The following SCHIP1 variants were observed in gnomAD, a reference collection of about 807,000 sequenced individuals.
The protein encoded by SCHIP1 is schwannomin interacting protein 1, also known as schwannomin-interacting protein 1.
SCHIP1 carries 8 observed loss-of-function variants against 29.7 expected under a neutral mutation model. The ratio of observed to expected loss-of-function variants is 0.27; its 90% confidence interval spans 0.16 to 0.49. The LOEUF is 0.49. SCHIP1 is among the 20% of genes least tolerant of loss of function. The pLI, the probability that SCHIP1 is intolerant of heterozygous loss-of-function variation, is 0.99. For synonymous variants in SCHIP1, 76 were observed against 94.9 expected, an observed-to-expected ratio of 0.80 and a Z score of 1.16; for missense variants, 193 against 294.6, an observed-to-expected ratio of 0.66 and a Z score of 2.52.
the SCHIP1 span, among the ~76,000 whole-genome samples, chr3:159,816,279 T>A: frequency 2.9e-3 from 436 of 151,706 alleles, 1 homozygote; most frequent in South Asian, 9.4e-3. Flanking sequence ...TGTATTTTAT[T>A]TATCCATTTT....
the SCHIP1 span, among the ~76,000 whole-genome samples, chr3:159,339,631 T>C: frequency 1.3e-5 from 2 of 152,214 alleles, no homozygotes; most frequent in East Asian, 3.8e-4. Context: ...CCTTCATGCA[T>C]TGACTTATTT....
chr3:159,585,808 A>AT, the SCHIP1 span, among the ~76,000 whole-genome samples: 1 of 152,170 alleles, frequency 6.6e-6, no homozygotes, highest in African/African-American at 2.4e-5. Flanking sequence ...TTCAAAATTA[A>AT]TAAGTCTTAC....
chr3:159,750,184 T>C, the SCHIP1 span, among the ~76,000 whole-genome samples: 1 of 151,188 alleles, frequency 6.6e-6, no homozygotes, highest in East Asian at 2.0e-4. Context: ...AATAAAGTTA[T>C]AAGATTACTT....
chr3:159,421,899 T>TGCAC, the SCHIP1 span, among the ~76,000 whole-genome samples: 23 of 152,142 alleles, frequency 1.5e-4, no homozygotes, highest in Non-Finnish European at 3.1e-4. Context: ...CACAATTAAG[T>TGCAC]CATGTTGCAA....
the SCHIP1 span, among the ~76,000 whole-genome samples, chr3:159,585,004 T>A: frequency 0.021 from 3,219 of 152,134 alleles, 111 homozygotes; most frequent in African/African-American, 0.075. Flanking sequence ...CTTCTTTATA[T>A]CCTTGCTCAA....
chr3:159,343,282 T>C, the SCHIP1 span, among the ~76,000 whole-genome samples: 1 of 152,236 alleles, frequency 6.6e-6, no homozygotes, highest in East Asian at 1.9e-4. Flanking sequence ...GTAGTCACAT[T>C]CTAAGACACC....
the SCHIP1 span, among the ~76,000 whole-genome samples, chr3:159,510,175 T>C: frequency 6.6e-6 from 1 of 152,232 alleles, no homozygotes; most frequent in African/African-American, 2.4e-5. Flanking sequence ...TTCTTTTTAT[T>C]CTTTTTTCTC....
chr3:159,486,424 A>C, the SCHIP1 span, among the ~76,000 whole-genome samples: 55 of 152,140 alleles, frequency 3.6e-4, no homozygotes, highest in African/African-American at 1.2e-3. Flanking sequence ...TGGCTATTTC[A>C]CTTAGCCTCT....
chr3:159,292,417 G>A, the SCHIP1 span, among the ~76,000 whole-genome samples: 2,702 of 152,202 alleles, frequency 0.018, 78 homozygotes, highest in African/African-American at 0.063. Flanking sequence ...TGGCTAGTTA[G>A]GTGAGACAAA....
At chr3:159,423,927 G>T in the SCHIP1 span, among the ~76,000 whole-genome samples, 5 of 152,164 alleles carry the variant, frequency 3.3e-5, no homozygotes, top group African/African-American at 1.2e-4. Context: ...TGCAAACACC[G>T]CTGCTGATAC....
At chr3:159,350,151 ATAT>A in the SCHIP1 span, among the ~76,000 whole-genome samples, 1 of 152,154 alleles carries the variant, frequency 6.6e-6, no homozygotes, top group African/African-American at 2.4e-5. Context: ...TTTTTTACAC[ATAT>A]TATTGTATTT....
the SCHIP1 span, among the ~76,000 whole-genome samples, chr3:159,744,759 C>T: frequency 2.8e-4 from 42 of 152,030 alleles, no homozygotes; most frequent in African/African-American, 8.9e-4. Flanking sequence ...GGGTGGATCA[C>T]GAGGTCAGGA....
the SCHIP1 span, among the ~76,000 whole-genome samples, chr3:159,647,643 T>C: frequency 0.16 from 23,836 of 152,128 alleles, 5,159 homozygotes; most frequent in African/African-American, 0.49. Context: ...TACAAAGCCA[T>C]TATCGCTAAT....
the SCHIP1 span, among the ~76,000 whole-genome samples, chr3:159,411,944 C>A: frequency 1.3e-5 from 2 of 152,126 alleles, no homozygotes; most frequent in African/African-American, 4.8e-5. Flanking sequence ...AGAGCAAAAT[C>A]AGGCCATGAA....
At chr3:159,840,809 T>C (rs1744149288) in intron 1 of SCHIP1, among the ~76,000 whole-genome samples, 1 of 152,204 alleles carries the variant, frequency 6.6e-6, no homozygotes, top group African/African-American at 2.4e-5. Context: ...AAACTCCAAA[T>C]AGAAAAATCT....
At chr3:159,648,907 T>C in the SCHIP1 span, among the ~76,000 whole-genome samples, 1 of 152,110 alleles carries the variant, frequency 6.6e-6, no homozygotes, top group African/African-American at 2.4e-5. Flanking sequence ...GAGAATGTTC[T>C]ATCTTGTTTA....
the SCHIP1 span, among the ~76,000 whole-genome samples, chr3:159,559,379 C>A: frequency 6.6e-6 from 1 of 152,150 alleles, no homozygotes; most frequent in Non-Finnish European, 1.5e-5. Flanking sequence ...TTTAAACATA[C>A]AACATGTATC....
chr3:159,704,864 T>TTTTC, the SCHIP1 span, among the ~76,000 whole-genome samples: 89 of 133,324 alleles, frequency 6.7e-4, no homozygotes, highest in Middle Eastern at 3.6e-3. Context: ...TTCCTTCCTT[T>TTTTC]TTTCTTTCTT....
the SCHIP1 span, among the ~76,000 whole-genome samples, chr3:159,414,132 A>C: frequency 6.6e-6 from 1 of 152,346 alleles, no homozygotes; most frequent in South Asian, 2.1e-4. Flanking sequence ...CCTTCTTACT[A>C]TTCTTGCATC....
Sources: gnomAD v4.1 joint callset for allele counts (sites outside exome capture counted in the v4.1 genomes callset) on GRCh38, gnomAD v4.1.1 for gene constraint, MANE v1.5 for transcripts, NCBI Gene and HGNC (gene_info 2026-07-23, HGNC 2026-07-21) for gene names.